ARHGAP15: variants seen among roughly 807,000 people sequenced by gnomAD.
ARHGAP15 encodes the protein rho GTPase-activating protein 15.
Under a neutral mutation model 63.7 loss-of-function variants are expected in ARHGAP15, and 51 were observed. That is an observed-to-expected ratio of 0.80 (90% confidence interval 0.64 to 1.01). The LOEUF is 1.01. Among genes scored for constraint, ARHGAP15 ranks in the 50% least tolerant of loss-of-function variants. ARHGAP15 has a pLI of 0.00. For missense variants in ARHGAP15, 560 were observed against 564.6 expected (o/e 0.99, Z 0.08); for synonymous variants, 191 against 193.8 (o/e 0.99, Z 0.12).
chr2:143,525,383 A>T (rs900665742), intron 10 of ARHGAP15, among the ~76,000 whole-genome samples: 9 of 151,392 alleles, frequency 5.9e-5, no homozygotes, highest in African/African-American at 2.2e-4. Flanking sequence ...AGAGTACAAG[A>T]TAAGCACTTT....
At chr2:143,131,450 C>A (rs1688912687) in intron 1 of ARHGAP15, among the ~76,000 whole-genome samples, 1 of 152,186 alleles carries the variant, frequency 6.6e-6, no homozygotes, top group Non-Finnish European at 1.5e-5. Flanking sequence ...TTAGGGCCAG[C>A]ATTCAGTAAG....
chr2:143,535,826 T>A (rs1318521205), intron 10 of ARHGAP15, among the ~76,000 whole-genome samples: 2 of 152,248 alleles, frequency 1.3e-5, no homozygotes, highest in African/African-American at 4.8e-5. Context: ...GATACATTTA[T>A]AATTGATATC....
intron 9 of ARHGAP15, among the ~76,000 whole-genome samples, chr2:143,490,607 A>G (rs1358423681): frequency 6.6e-6 from 1 of 151,544 alleles, no homozygotes; most frequent in Non-Finnish European, 1.5e-5. Flanking sequence ...GTATTTTCTT[A>G]TTTATTTATT....
chr2:143,362,947 A>C (rs1365794699), intron 6 of ARHGAP15, among the ~76,000 whole-genome samples: 1 of 151,960 alleles, frequency 6.6e-6, no homozygotes, highest in African/African-American at 2.4e-5. Context: ...TTATGTTCTA[A>C]CTCTCCTATC....
At chr2:143,745,292 G>A (rs1686119696) in intron 13 of ARHGAP15, among the ~76,000 whole-genome samples, 1 of 152,162 alleles carries the variant, frequency 6.6e-6, no homozygotes, top group Admixed American at 6.5e-5. Context: ...TGACATAACT[G>A]AGTGATCATA....
At chr2:143,624,332 TAATAAG>T (rs1698757317) in intron 12 of ARHGAP15, 65 bp downstream of exon 12, 1 of 1,492,346 alleles carries the variant, frequency 6.7e-7, no homozygotes, top group South Asian at 1.3e-5. Flanking sequence ...ATTAAGTAAA[TAATAAG>T]AATGATTATA....
intron 2 of ARHGAP15, among the ~76,000 whole-genome samples, chr2:143,197,434 T>C (rs1386339748): frequency 6.6e-6 from 1 of 151,966 alleles, no homozygotes; most frequent in Non-Finnish European, 1.5e-5. Flanking sequence ...ATACTATGGC[T>C]TAGGAGAGAC....
intron 11 of ARHGAP15, among the ~76,000 whole-genome samples, chr2:143,613,679 G>A (rs893896591): frequency 6.6e-6 from 1 of 152,118 alleles, no homozygotes; most frequent in Non-Finnish European, 1.5e-5. Context: ...CTTTGTAAAT[G>A]CTAGCCATCA....
chr2:143,178,690 C>T (rs908468300), intron 2 of ARHGAP15, among the ~76,000 whole-genome samples: 6 of 152,170 alleles, frequency 3.9e-5, no homozygotes, highest in African/African-American at 7.2e-5. Context: ...AACACCTGGC[C>T]TCAAGCAATC....
chr2:143,331,618 T>C (rs1014930944), intron 6 of ARHGAP15, among the ~76,000 whole-genome samples: 2 of 152,198 alleles, frequency 1.3e-5, no homozygotes, highest in Non-Finnish European at 2.9e-5. Context: ...AAGGATTATA[T>C]AGACACATCT....
chr2:143,588,278 A>C (rs1697186688), intron 11 of ARHGAP15, among the ~76,000 whole-genome samples: 1 of 152,156 alleles, frequency 6.6e-6, no homozygotes, highest in Non-Finnish European at 1.5e-5. Context: ...ATATTGGAGA[A>C]AATTTAAGCT....
intron 5 of ARHGAP15, among the ~76,000 whole-genome samples, chr2:143,234,403 A>G (rs1693560745): frequency 6.6e-6 from 1 of 152,104 alleles, no homozygotes; most frequent in South Asian, 2.1e-4. Context: ...AATCATTGTT[A>G]TTGAAATATT....
chr2:143,227,609 G>A (rs1293989662), intron 4 of ARHGAP15, among the ~76,000 whole-genome samples: 1 of 152,130 alleles, frequency 6.6e-6, no homozygotes, highest in East Asian at 1.9e-4. Flanking sequence ...GAAAGTCCTA[G>A]GTAAATAGCA....
At chr2:143,669,032 A>G (rs1277608153) in intron 12 of ARHGAP15, among the ~76,000 whole-genome samples, 1 of 152,240 alleles carries the variant, frequency 6.6e-6, no homozygotes, top group African/African-American at 2.4e-5. Flanking sequence ...AGTCTAAACT[A>G]TCAGGCCTCA....
chr2:143,616,923 A>G (rs961654166), intron 11 of ARHGAP15, among the ~76,000 whole-genome samples: 4 of 152,178 alleles, frequency 2.6e-5, no homozygotes, highest in African/African-American at 4.8e-5. Flanking sequence ...GAAGTTTCCA[A>G]TGTTTTCTAG....
chr2:143,141,526 T>A (rs1348490803), intron 1 of ARHGAP15, among the ~76,000 whole-genome samples: 1 of 151,818 alleles, frequency 6.6e-6, no homozygotes, highest in South Asian at 2.1e-4. Context: ...TGCCAAAATA[T>A]AATAGAAACA....
intron 6 of ARHGAP15, among the ~76,000 whole-genome samples, chr2:143,425,321 A>G (rs1275566271): frequency 1.3e-5 from 2 of 151,746 alleles, no homozygotes; most frequent in Admixed American, 6.6e-5. Flanking sequence ...AATTATCTCT[A>G]TTTTTCTGTT....
At chr2:143,605,570 TATCCCTAGCAAATG>T (rs1415563953) in intron 11 of ARHGAP15, among the ~76,000 whole-genome samples, 5 of 152,016 alleles carry the variant, frequency 3.3e-5, no homozygotes, top group Non-Finnish European at 7.4e-5. Flanking sequence ...CCCTAGCTAA[TATCCCTAGCAAATG>T]ATCCCTAGCT....
At chr2:143,213,502 A>G (rs1186944700) in intron 3 of ARHGAP15, among the ~76,000 whole-genome samples, 1 of 152,088 alleles carries the variant, frequency 6.6e-6, no homozygotes, top group Non-Finnish European at 1.5e-5. Context: ...AACAAAAGCA[A>G]AACTCCGTCT....
Sources: allele counts gnomAD v4.1 joint callset (sites outside exome capture counted in the v4.1 genomes callset), GRCh38; gene constraint gnomAD v4.1.1; transcripts MANE v1.5; gene names NCBI Gene and HGNC (gene_info 2026-07-23, HGNC 2026-07-21).